EIPR1: variants seen among roughly 807,000 people sequenced by gnomAD.
The protein encoded by EIPR1 is EARP and GARP complex-interacting protein 1.
In EIPR1, 25 loss-of-function variants were observed where a neutral mutation model predicts 48.1. The ratio of observed to expected loss-of-function variants is 0.52; its 90% CI spans 0.38 to 0.73. EIPR1 has a LOEUF of 0.73. Ranked by LOEUF, EIPR1 falls within the 30% of genes least tolerant of loss-of-function variation. The pLI is 0.00. For synonymous variants in EIPR1, 204 were observed against 201.9 expected (o/e 1.01, Z -0.09); for missense variants, 415 against 506.2 (o/e 0.82, Z 1.73).
rs1276684422 is a variant in EIPR1, at chr2:3,194,012, C to T, written c.808G>A (p.Glu270Lys). 6.2e-7 allele frequency: 1 copy of T among 1,613,742 alleles called. No homozygotes were observed. Among genetic ancestry groups the T allele is most frequent in the East Asian group, 2.2e-5 (1 of 44,870 alleles). ...NVTEPVKTLEEHSHWVWNVRY... is the reference protein window; with the variant it reads ...NVTEPVKTLEKHSHWVWNVRY... ...GAGCGGCCCTACCAGTGGGAGTGCT[C>T]CTCCAGGGTCTTCACGGGTTCGGTG... is the stretch of plus-strand genomic sequence containing the variant. The change falls in exon 7 of 9, where the codon GAG (glutamate) becomes AAG (lysine). Residue 270 changes from glutamate (E) to lysine (K), a missense_variant. Glu to Lys is a moderately conservative substitution (Grantham distance 56, BLOSUM62 1). Coordinates refer to ENST00000382125, the MANE Select transcript of EIPR1 (RefSeq NM_003310.5).
intron 1 of EIPR1, among the ~76,000 whole-genome samples, chr2:3,369,033 CA>C (rs1252388675): frequency 6.7e-6 from 1 of 149,464 alleles, no homozygotes; most frequent in South Asian, 2.1e-4. Context: ...GACAAACAAA[CA>C]AAAAAAAACA....
intron 8 of EIPR1, among the ~76,000 whole-genome samples, chr2:3,192,017 A>G (rs1664622099): frequency 6.6e-6 from 1 of 152,190 alleles, no homozygotes; most frequent in Non-Finnish European, 1.5e-5. Flanking sequence ...CGACCCCAAC[A>G]CGCTCAAATC....
At chr2:3,263,227 C>A (rs533837214) in intron 3 of EIPR1, among the ~76,000 whole-genome samples, 10 of 152,312 alleles carry the variant, frequency 6.6e-5, no homozygotes, top group South Asian at 2.1e-4. Flanking sequence ...CTGCTCTGGC[C>A]ATCCCTGTGG....
intron 3 of EIPR1, among the ~76,000 whole-genome samples, chr2:3,334,536 G>A (rs1464723327): frequency 6.6e-6 from 1 of 152,238 alleles, no homozygotes. Flanking sequence ...CTGGCGCCTT[G>A]CCCCACGGGT....
chr2:3,190,405 G>A (rs765478771), intron 8 of EIPR1, among the ~76,000 whole-genome samples: 1 of 152,224 alleles, frequency 6.6e-6, no homozygotes, highest in Non-Finnish European at 1.5e-5. Context: ...TGGTCTCTGG[G>A]AAGCTGGCTT....
chr2:3,229,901 T>C (rs1304341072), intron 4 of EIPR1, among the ~76,000 whole-genome samples: 1 of 152,234 alleles, frequency 6.6e-6, no homozygotes, highest in Non-Finnish European at 1.5e-5. Context: ...CAGCATGACT[T>C]TCTGTGCTAT....
chr2:3,298,106 T>C (rs6734952), intron 3 of EIPR1, among the ~76,000 whole-genome samples: 9,158 of 152,294 alleles, frequency 0.06, 308 homozygotes, highest in African/African-American at 0.069. Context: ...GATAATGCTA[T>C]ACATTTCCTG....
In EIPR1 at chr2:3,254,458, C is replaced by T. The variant is rs548234281; in HGVS notation, c.416+2841G>A. Among the ~76,000 whole-genome samples the T allele has an allele frequency of 7.2e-5, 11 of 152,306 alleles. 1 individual carries two copies. Among genetic ancestry groups the T allele is most frequent in the South Asian group, 4.1e-4 (2 of 4,826 alleles). ...TTCAACAGGCAAGTGCTTAACAAAC[C>T]GTGGTGCGTCATGCCATGGGATATC... On this transcript the variant is annotated intron_variant, in intron 4 of 8. Transcript: ENST00000382125.
At chr2:3,288,346 T>C (rs144093278) in intron 3 of EIPR1, among the ~76,000 whole-genome samples, 5 of 152,320 alleles carry the variant, frequency 3.3e-5, no homozygotes, top group East Asian at 3.9e-4. Flanking sequence ...GAAATTGTCA[T>C]TGAAACTATC....
chr2:3,271,213 C>T (rs925698631), intron 3 of EIPR1, among the ~76,000 whole-genome samples: 1 of 152,228 alleles, frequency 6.6e-6, no homozygotes, highest in Non-Finnish European at 1.5e-5. Context: ...TTTCTCCATG[C>T]AAGTCTTGAA....
chr2:3,198,648 T>C (rs1172005212), intron 5 of EIPR1, among the ~76,000 whole-genome samples: 2 of 152,122 alleles, frequency 1.3e-5, no homozygotes, highest in African/African-American at 2.4e-5. Context: ...AAGCTGGGTG[T>C]CTGGGGGAGA....
chr2:3,352,209 G>T (rs55874844), intron 2 of EIPR1, among the ~76,000 whole-genome samples: 7 of 128,244 alleles, frequency 5.5e-5, no homozygotes, highest in South Asian at 2.7e-4. Flanking sequence ...CTACAGAAGC[G>T]ACCTGCCCCT....
At chr2:3,243,685 G>T (rs1034912630) in intron 4 of EIPR1, among the ~76,000 whole-genome samples, 11 of 152,048 alleles carry the variant, frequency 7.2e-5, no homozygotes, top group Non-Finnish European at 1.5e-4. Flanking sequence ...AATTTAAAAA[G>T]AATTCACAAG....
At chr2:3,283,944 TAAAA>T (rs59593196) in intron 3 of EIPR1, among the ~76,000 whole-genome samples, 7 of 92,906 alleles carry the variant, frequency 7.5e-5, no homozygotes, top group East Asian at 2.6e-4. Flanking sequence ...AGACTACATC[TAAAA>T]AAAAAAAAAA....
intron 3 of EIPR1, among the ~76,000 whole-genome samples, chr2:3,259,315 C>T (rs1189862462): frequency 6.6e-6 from 1 of 152,132 alleles, no homozygotes; most frequent in Non-Finnish European, 1.5e-5. Context: ...CAAGTTCCTT[C>T]TTTGGAGAAT....
At chr2:3,250,624 C>A (rs1215312778) in intron 4 of EIPR1, among the ~76,000 whole-genome samples, 3 of 152,144 alleles carry the variant, frequency 2.0e-5, no homozygotes. Context: ...GAATGTTAGT[C>A]CCCTCCAAAT....
At position 3,305,504 on chromosome 2, in the gene EIPR1, T is replaced by C. The variant is rs71279309; in HGVS notation, c.259+32513A>G. Among the ~76,000 whole-genome samples, 267 of 117,646 alleles carry C rather than the reference T, an allele frequency of 2.3e-3. 4 individuals carry two copies. Among genetic ancestry groups the C allele is most frequent in the Non-Finnish European group, 2.2e-3 (121 of 54,540 alleles). 77.2% of individuals were successfully genotyped at this position (117,646 alleles called of 152,430 possible). ...TCCCGTCAGTTCAGCCCTCCACTCCTGTCCAGTTCAACCCTCCACTCCCAT... is the reference window on the plus strand; with the variant it reads ...TCCCGTCAGTTCAGCCCTCCACTCCCGTCCAGTTCAACCCTCCACTCCCAT... On this transcript the variant is annotated intron_variant, in intron 3 of 8. Transcript: ENST00000382125.
At chr2:3,277,531 G>C (rs537266823) in intron 3 of EIPR1, among the ~76,000 whole-genome samples, 1 of 152,344 alleles carries the variant, frequency 6.6e-6, no homozygotes, top group South Asian at 2.1e-4. Context: ...CTTCACCTAC[G>C]TGCTTTACAA....
chr2:3,218,386 A>G (rs1395960303), intron 4 of EIPR1, among the ~76,000 whole-genome samples: 2 of 149,920 alleles, frequency 1.3e-5, no homozygotes, highest in South Asian at 4.3e-4. Context: ...GTGCACACCC[A>G]ACATGGCCCT....
Sources: gnomAD v4.1 joint callset for allele counts (sites outside exome capture counted in the v4.1 genomes callset) on GRCh38, gnomAD v4.1.1 for gene constraint, MANE v1.5 for transcripts, NCBI Gene and HGNC (gene_info 2026-07-23, HGNC 2026-07-21) for gene names.